The following SPNS1 variants were observed in gnomAD, a reference collection of about 807,000 sequenced individuals.
SPNS1 encodes the protein protein spinster homolog 1.
A neutral mutation model predicts 50.3 loss-of-function variants in SPNS1; 22 were observed. The ratio of observed to expected loss-of-function variants is 0.44; its 90% CI spans 0.31 to 0.62. The LOEUF (loss-of-function observed/expected upper bound fraction) is 0.62, where lower values mean the gene tolerates loss of function less well. Among genes scored for constraint, SPNS1 ranks in the 20% least tolerant of loss-of-function variants. SPNS1 has a pLI of 0.07. For missense variants in SPNS1, 576 were observed against 728.6 expected, an observed-to-expected ratio of 0.79 and a Z score of 2.41; for synonymous variants, 295 against 317.4, an observed-to-expected ratio of 0.93 and a Z score of 0.75.
intron 3 of SPNS1, 130 bp downstream of exon 3, chr16:28,978,174 A>T: frequency 7.8e-7 from 1 of 1,287,742 alleles, no homozygotes; most frequent in South Asian, 1.4e-5. Flanking sequence ...GCCATTTTAT[A>T]CCCCTCCTTG....
Position 28,975,474 on chromosome 16 carries a change from C to T in SPNS1, c.242-18C>T, listed in dbSNP as rs1295726680. 6 of 1,614,268 alleles carry T rather than the reference C, an allele frequency of 3.7e-6. No homozygotes were observed. In the South Asian group the frequency reaches 6.6e-5, roughly 18 times the overall value. The stretch of plus-strand genomic sequence containing the variant: ...GGGTGGCGCTGCTTTGCCGGACCAT[C>T]CTGAATTTTCTCCTCAGGCGTCCTT... On this transcript the variant is annotated intron_variant, in intron 1 of 11. Transcript: ENST00000311008.
downstream of SPNS1, chr16:28,984,668 C>T (rs1181833263): frequency 7.8e-6 from 5 of 641,118 alleles, no homozygotes; most frequent in Non-Finnish European, 1.4e-5. Flanking sequence ...CCCTTCTGGG[C>T]TGGGCGACTG....
At chr16:28,980,299 AT>A (rs58328705) in intron 5 of SPNS1, 11,737 of 147,434 alleles carry the variant, frequency 0.08, 1,485 homozygotes, top group African/African-American at 0.27. Context: ...CACACACAAA[AT>A]TTTTTTTTTT....
In SPNS1 at chr16:28,975,553, G is replaced by C; in HGVS notation, c.303G>C (p.Gln101His). 4 of 1,614,198 alleles carry C rather than the reference G, an allele frequency of 2.5e-6. No homozygotes were observed. The highest frequency in any genetic ancestry group is 2.5e-6 in the Non-Finnish European group (3 of 1,180,028). ...GGGACAGTAGCTCTGGGCTCATCCA[G>C]ACCGGTGAGTGGGGACCACTCCTGG... ...NIGDSSSGLI[Q>H]TVFISSYMVL... The change falls in exon 2 of 12, where the codon CAG (glutamine) becomes CAC (histidine). Residue 101 changes from glutamine (Q) to histidine (H), a missense_variant. Around this residue, in one of 3 missense-constraint regions of SPNS1, gnomAD observed 144 missense variants for 181.2 expected, o/e 0.79. Transcript: ENST00000311008.
rs996088798 is a variant in SPNS1, at chr16:28,975,289, G to C, written c.138G>C (p.Gly46=). The C allele has an allele frequency of 3.8e-6, 6 of 1,578,536 alleles. No homozygotes were observed. The East Asian group carries it at 1.1e-4, about 30-fold the overall frequency. The change falls in exon 1 of 12, where the codon GGG becomes GGC. Residue 46 remains glycine (G), a synonymous_variant. Coordinates refer to ENST00000311008, the MANE Select transcript of SPNS1 (RefSeq NM_032038.3). ...SEEPEVPDQE[G]LQRITGLSPG... is the part of the protein sequence containing the mutation. ...AGCCCGAGGTCCCGGACCAGGAGGG[G>C]CTGCAGCGCATCACCGGCCTGTCTC...
intron 5 of SPNS1, 120 bp downstream of exon 5, chr16:28,979,591 C>T: frequency 9.3e-7 from 1 of 1,073,504 alleles, no homozygotes; most frequent in Non-Finnish European, 1.4e-6. Context: ...TGTTGTGTCA[C>T]CCAGGCTGCA....
rs751983098 is a variant in SPNS1 at position 28,983,895 on chromosome 16, C to G, written c.1430C>G (p.Ala477Gly). 27 of 1,600,710 alleles carry G rather than the reference C, an allele frequency of 1.7e-5. No homozygotes were observed. The highest frequency in any genetic ancestry group is 2.2e-5 in the Non-Finnish European group (26 of 1,178,924). Residue 477 changes from alanine to glycine, a missense_variant, in exon 11 of 12, where the codon GCC becomes GGC. Ala to Gly is a moderately conservative substitution (Grantham distance 60). Around this residue, in one of 3 missense-constraint regions of SPNS1, gnomAD observed 428 missense variants for 520.1 expected, o/e 0.82. Coordinates refer to ENST00000311008, the MANE Select transcript of SPNS1 (RefSeq NM_032038.3). The surrounding 1 kb of genome is among the most constrained non-coding windows in gnomAD (Gnocchi z 5.4). ...CAFVGALGGA[A>G]FLGTAIFIEA... ...TTTGTTGGGGCACTGGGCGGCGCAG[C>G]CTTCCTGGGCACCGCCATCTTCATT... is the stretch of plus-strand genomic sequence containing the variant.
chr16:28,983,767 C>T lies in SPNS1; in HGVS notation c.1321-19C>T, dbSNP rs1460061578. The T allele has an allele frequency of 6.4e-7, 1 of 1,560,028 alleles. No homozygotes were observed. Among genetic ancestry groups the T allele is most frequent in the Non-Finnish European group, 8.7e-7 (1 of 1,154,198 alleles). ...CATGAGGCTGACTCCCCTGGCTTTC[C>T]TGTCTCCTCTCCCTGCAGATCTCTG... On this transcript the variant is annotated intron_variant, in intron 10 of 11. Coordinates refer to ENST00000311008, the MANE Select transcript of SPNS1 (RefSeq NM_032038.3). This position sits in a 1 kb window ranked among gnomAD's most constrained non-coding sequence, Gnocchi z 5.4.
Position 28,981,852 on chromosome 16 carries a change from C to T in SPNS1, c.810-49C>T, listed in dbSNP as rs760219516. On this transcript the variant is annotated intron_variant, in intron 6 of 11. Transcript: ENST00000311008. The surrounding 1 kb of genome is among the most constrained non-coding windows in gnomAD (Gnocchi z 4.2). ...AAGGGAGAAGAGAGGTCCCCTCCTGCCTCGACACCTCCGTGGGGTCTTACT... is the reference window on the plus strand; with the variant it reads ...AAGGGAGAAGAGAGGTCCCCTCCTGTCTCGACACCTCCGTGGGGTCTTACT... 1 of 1,605,464 alleles carries T rather than the reference C, an allele frequency of 6.2e-7. No individual in the cohort carries two copies. The highest frequency in any genetic ancestry group is 8.5e-7 in the Non-Finnish European group (1 of 1,173,770).
intron 2 of SPNS1, among the ~76,000 whole-genome samples, chr16:28,976,463 A>G (rs1220770419): frequency 6.6e-6 from 1 of 152,150 alleles, no homozygotes; most frequent in Non-Finnish European, 1.5e-5. Context: ...GGAAGTGATG[A>G]TTACACCTGT....
rs931055901 is a variant in SPNS1, at chr16:28,975,613, G to C, written c.307+56G>C. On this transcript the variant is annotated intron_variant, in intron 2 of 11. Coordinates refer to ENST00000311008, the MANE Select transcript of SPNS1 (RefSeq NM_032038.3). ...CGCTCCTCCTTCTGTTCTGTCTCAA[G>C]TGGGGCCACGCGCTGGCCTGTCTAG... is the stretch of plus-strand genomic sequence containing the variant. 4 of 1,596,536 alleles carry C rather than the reference G, an allele frequency of 2.5e-6. No homozygotes were observed. The South Asian group carries it at 4.4e-5, about 18-fold the overall frequency.
intron 5 of SPNS1, chr16:28,979,725 A>C (rs1255147005): frequency 6.4e-6 from 3 of 466,212 alleles, no homozygotes; most frequent in Non-Finnish European, 1.2e-5. Context: ...TAATTAAAAA[A>C]ACTTTTTCTT....
chr16:28,976,815 G>C (rs1965360260), intron 2 of SPNS1, among the ~76,000 whole-genome samples: 1 of 152,216 alleles, frequency 6.6e-6, no homozygotes, highest in South Asian at 2.1e-4. Context: ...GCTCTTTCTA[G>C]GCAGCCGGAT....
chr16:28,976,198 G>A (rs971000078), intron 2 of SPNS1, among the ~76,000 whole-genome samples: 1 of 152,166 alleles, frequency 6.6e-6, no homozygotes, highest in African/African-American at 2.4e-5. Flanking sequence ...CTTGAACCCG[G>A]GAGGCAGAGG....
chr16:28,980,308 T>G (rs1965498604), intron 5 of SPNS1: 1 of 152,070 alleles, frequency 6.6e-6, no homozygotes, highest in African/African-American at 2.4e-5. Flanking sequence ...AATTTTTTTT[T>G]TTTGTAGAGA....
At position 28,981,316 on chromosome 16, in the gene SPNS1, C is replaced by T; in HGVS notation, c.664-154C>T. 1 of 968,272 alleles carries T rather than the reference C, an allele frequency of 1.0e-6. No individual in the cohort carries two copies. Among genetic ancestry groups the T allele is most frequent in the Non-Finnish European group, 1.5e-6 (1 of 669,308 alleles). The allele number at this position is 968,272 out of a possible 1,614,324, so 60.0% of individuals were successfully genotyped here. A position where few individuals can be genotyped will look rare whatever the true frequency, so the allele number is the denominator to read the frequency against. On this transcript the variant is annotated intron_variant, in intron 5 of 11. Coordinates refer to ENST00000311008, the MANE Select transcript of SPNS1 (RefSeq NM_032038.3). This position sits in a 1 kb window ranked among gnomAD's most constrained non-coding sequence, Gnocchi z 4.2. ...TAGGGTGGCCCCTAGTGGCAGCCCCCTTCCCCCAGATTGCAGGTTCGGCTT... is the reference window on the plus strand; with the variant it reads ...TAGGGTGGCCCCTAGTGGCAGCCCCTTTCCCCCAGATTGCAGGTTCGGCTT...
Position 28,983,229 on chromosome 16 carries a change from C to G in SPNS1, c.1259C>G (p.Ala420Gly). The G allele has an allele frequency of 1.2e-6, 2 of 1,614,090 alleles. No homozygotes were observed. Among genetic ancestry groups the G allele is most frequent in the Non-Finnish European group, 1.7e-6 (2 of 1,179,988 alleles). The change falls in exon 10 of 12, where the codon GCC becomes GGC. Residue 420 changes from alanine to glycine, a missense_variant. Coordinates refer to ENST00000311008, the MANE Select transcript of SPNS1 (RefSeq NM_032038.3). The surrounding 1 kb of genome is among the most constrained non-coding windows in gnomAD (Gnocchi z 5.4). Reference sequence around the variant, plus strand: ...CCTACCCGACGCTCCACCGCCGAGGCCTTCCAGATCGTGCTGTCCCACCTG... The same window carrying G: ...CCTACCCGACGCTCCACCGCCGAGGGCTTCCAGATCGTGCTGTCCCACCTG... ...VIPTRRSTAE[A>G]FQIVLSHLLG...
chr16:28,982,403 G>T lies in SPNS1; in HGVS notation c.1013G>T (p.Gly338Val). 6.2e-7 allele frequency: 1 copy of T among 1,611,370 alleles called. No homozygotes were observed. ...TGCCTGACCGGAGTCCTGGGTGTGGGCCTGGGTGTGGAGATCAGCCGCCGG... is the reference window on the plus strand; with the variant it reads ...TGCCTGACCGGAGTCCTGGGTGTGGTCCTGGGTGTGGAGATCAGCCGCCGG... ...ITCLTGVLGV[G>V]LGVEISRRLR... Residue 338 changes from glycine to valine, a missense_variant, in exon 8 of 12, where the codon GGC (glycine) becomes GTC (valine). Gly to Val is a moderately radical substitution (Grantham distance 109). Coordinates refer to ENST00000311008, the MANE Select transcript of SPNS1 (RefSeq NM_032038.3).
At position 28,984,405 on chromosome 16, in the gene SPNS1, C is replaced by A. The variant is rs770406128; in HGVS notation, c.*106C>A. ...GGCCTGGCCCAGCTTCCAGAGGGAC[C>A]CTGGGCCGTGTGCCAGCTCCCAGAC... On this transcript the variant is annotated 3_prime_UTR_variant, in exon 12 of 12. Transcript: ENST00000311008. 2.6e-6 allele frequency: 3 copies of A among 1,164,442 alleles called. No homozygotes were observed. Among genetic ancestry groups the A allele is most frequent in the African/African-American group, 3.0e-5 (2 of 65,766 alleles). The allele number at this position is 1,164,442 out of a possible 1,614,324, so 72.1% of individuals were successfully genotyped here.
Sources: gnomAD v4.1 joint callset for allele counts (sites outside exome capture counted in the v4.1 genomes callset) on GRCh38, gnomAD v4.1.1 for gene constraint, gnomAD v4.1.1 regional missense constraint, Gnocchi (gnomAD v3.1) non-coding constraint, MANE v1.5 for transcripts, NCBI Gene and HGNC (gene_info 2026-07-23, HGNC 2026-07-21) for gene names.